Variants in MECOM observed in about 807,000 individuals in gnomAD.
MECOM encodes the protein histone-lysine N-methyltransferase MECOM.
A neutral mutation model predicts 116.3 loss-of-function variants in MECOM; 13 were observed. That is an observed-to-expected ratio of 0.11 (90% CI 0.07 to 0.18). The LOEUF (loss-of-function observed/expected upper bound fraction) is 0.18, where lower values mean the gene tolerates loss of function less well. Ranked by LOEUF, MECOM falls within the 10% of genes least tolerant of loss-of-function variation. The probability of loss-of-function intolerance (pLI) is 1.00; values close to 1 mark genes in which losing one functional copy is unlikely to be tolerated. For synonymous variants in MECOM, 528 were observed against 535.2 expected, an observed-to-expected ratio of 0.99 and a Z score of 0.19; for missense variants, 1,299 against 1,509.0, an observed-to-expected ratio of 0.86 and a Z score of 2.31.
chr3:169,294,649 A>G (rs1051036169), intron 2 of MECOM, among the ~76,000 whole-genome samples: 1 of 152,218 alleles, frequency 6.6e-6, no homozygotes, highest in African/African-American at 2.4e-5. Flanking sequence ...TCAGCCTTTA[A>G]GTTGATGACC....
chr3:169,324,398 G>A (rs772219321), intron 2 of MECOM, among the ~76,000 whole-genome samples: 2 of 152,326 alleles, frequency 1.3e-5, no homozygotes, highest in Admixed American at 1.3e-4. Context: ...CATCTTCATG[G>A]CTGGAGGATT....
At chr3:169,292,155 C>A (rs531529355) in intron 2 of MECOM, among the ~76,000 whole-genome samples, 1 of 151,916 alleles carries the variant, frequency 6.6e-6, no homozygotes, top group Non-Finnish European at 1.5e-5. Context: ...GCAGCCTGGC[C>A]AACATGGTGA....
chr3:169,365,160 C>T (rs928570667), intron 2 of MECOM, among the ~76,000 whole-genome samples: 2 of 151,908 alleles, frequency 1.3e-5, no homozygotes, highest in African/African-American at 4.8e-5. Flanking sequence ...AATCCTGGGG[C>T]TCAGTGTAAG....
chr3:169,649,644 A>G (rs1357267547), intron 1 of MECOM, among the ~76,000 whole-genome samples: 3 of 152,192 alleles, frequency 2.0e-5, no homozygotes, highest in Admixed American at 2.0e-4. Flanking sequence ...GGTACTTGAT[A>G]ACTATTCATT....
At chr3:169,650,151 T>C (rs935527117) in intron 1 of MECOM, among the ~76,000 whole-genome samples, 7 of 152,376 alleles carry the variant, frequency 4.6e-5, no homozygotes, top group African/African-American at 1.7e-4. Context: ...TACTGTCATA[T>C]TTTTTATGCT....
At chr3:169,482,665 C>T (rs1225470992) in intron 1 of MECOM, among the ~76,000 whole-genome samples, 1 of 152,102 alleles carries the variant, frequency 6.6e-6, no homozygotes, top group Non-Finnish European at 1.5e-5. Context: ...AGTCATGCAT[C>T]GAGAAGTCAG....
intron 2 of MECOM, among the ~76,000 whole-genome samples, chr3:169,163,313 A>G (rs935249434): frequency 5.9e-5 from 9 of 152,150 alleles, no homozygotes; most frequent in Non-Finnish European, 1.3e-4. Context: ...AATCAGACAT[A>G]ATCCTTGCCA....
intron 1 of MECOM, among the ~76,000 whole-genome samples, chr3:169,579,918 T>C (rs368008895): frequency 1.3e-5 from 2 of 152,210 alleles, no homozygotes; most frequent in African/African-American, 2.4e-5. Flanking sequence ...ATATCCATCT[T>C]CTGCACCTCA....
At chr3:169,418,542 T>A (rs983042616) in intron 1 of MECOM, among the ~76,000 whole-genome samples, 2 of 152,148 alleles carry the variant, frequency 1.3e-5, no homozygotes, top group South Asian at 4.1e-4. Flanking sequence ...AAAAAGCTTA[T>A]CCACTATGAT....
intron 1 of MECOM, among the ~76,000 whole-genome samples, chr3:169,529,103 T>TG (rs1758286024): frequency 1.3e-5 from 2 of 151,690 alleles, no homozygotes; most frequent in African/African-American, 4.8e-5. Context: ...ATAAGGCCTT[T>TG]AAAAAAAATC....
intron 2 of MECOM, among the ~76,000 whole-genome samples, chr3:169,262,235 T>A (rs1338396508): frequency 6.6e-6 from 1 of 152,194 alleles, no homozygotes; most frequent in Non-Finnish European, 1.5e-5. Context: ...ATACCTTAAT[T>A]TCAAAGAACA....
chr3:169,202,761 C>G (rs1749335023), intron 2 of MECOM, among the ~76,000 whole-genome samples: 1 of 147,604 alleles, frequency 6.8e-6, no homozygotes, highest in Non-Finnish European at 1.5e-5. Flanking sequence ...TCACCCAACT[C>G]TTGCTCCCAA....
intron 2 of MECOM, among the ~76,000 whole-genome samples, chr3:169,363,093 G>GC (rs1185934888): frequency 8.6e-5 from 13 of 151,850 alleles, no homozygotes; most frequent in Admixed American, 8.5e-4. Flanking sequence ...CGCAGCTCAT[G>GC]CATCAACAAA....
intron 1 of MECOM, among the ~76,000 whole-genome samples, chr3:169,485,987 A>C (rs1467554290): frequency 2.2e-5 from 2 of 92,660 alleles, no homozygotes; most frequent in Admixed American, 2.5e-4. Context: ...TATATATAGT[A>C]TATATATGTA....
intron 1 of MECOM, among the ~76,000 whole-genome samples, chr3:169,553,059 G>A (rs1761594929): frequency 6.6e-6 from 1 of 150,912 alleles, no homozygotes; most frequent in Non-Finnish European, 1.5e-5. Flanking sequence ...CAGCTACCAG[G>A]TACTTTTTTC....
chr3:169,300,040 A>G (rs1448874951), intron 2 of MECOM, among the ~76,000 whole-genome samples: 2 of 152,134 alleles, frequency 1.3e-5, no homozygotes, highest in Non-Finnish European at 2.9e-5. Flanking sequence ...TAAGGGACTC[A>G]TTGTTTGTGC....
At chr3:169,121,311 T>A in intron 6 of MECOM, 102 bp from the exon 7 acceptor site, 5 of 1,279,612 alleles carry the variant, frequency 3.9e-6, no homozygotes, top group Admixed American at 5.8e-5. Flanking sequence ...TTTGTTTTGT[T>A]TTTCTTTTCC....
intron 1 of MECOM, among the ~76,000 whole-genome samples, chr3:169,632,953 A>G (rs1339675884): frequency 6.6e-6 from 1 of 152,216 alleles, no homozygotes; most frequent in Non-Finnish European, 1.5e-5. Context: ...ATCACACAAC[A>G]GTGTCAACAA....
chr3:169,266,456 T>C (rs1401562013), intron 2 of MECOM, among the ~76,000 whole-genome samples: 4 of 152,194 alleles, frequency 2.6e-5, no homozygotes, highest in Non-Finnish European at 5.9e-5. Flanking sequence ...TTCTAAATCG[T>C]TAAATGATTT....
Sources: allele counts gnomAD v4.1 joint callset (sites outside exome capture counted in the v4.1 genomes callset), GRCh38; gene constraint gnomAD v4.1.1; transcripts MANE v1.5; gene names NCBI Gene and HGNC (gene_info 2026-07-23, HGNC 2026-07-21).